CSMD1: variants seen among roughly 807,000 people sequenced by gnomAD.
CSMD1 encodes CUB and sushi domain-containing protein 1.
A neutral mutation model predicts 417.5 loss-of-function variants in CSMD1; 213 were observed. The ratio of observed to expected loss-of-function variants is 0.51; its 90% CI spans 0.46 to 0.57. The LOEUF (loss-of-function observed/expected upper bound fraction) is 0.57, where lower values mean the gene tolerates loss of function less well. CSMD1 is among the 20% of genes least tolerant of loss of function. CSMD1 has a pLI of 0.00. For synonymous variants in CSMD1, 2,862 were observed against 1,736.8 expected, an observed-to-expected ratio of 1.65 and a Z score of -16.11; for missense variants, 6,923 against 4,529.7, an observed-to-expected ratio of 1.53 and a Z score of -15.17.
intron 5 of CSMD1, among the ~76,000 whole-genome samples, chr8:3,820,917 C>A (rs767459834): frequency 1.3e-5 from 2 of 151,736 alleles, no homozygotes; most frequent in African/African-American, 2.4e-5. Flanking sequence ...GGTGTTCTAT[C>A]TTTTTTTTAA....
chr8:4,645,102 C>G (rs1803438899), intron 1 of CSMD1, among the ~76,000 whole-genome samples: 1 of 152,158 alleles, frequency 6.6e-6, no homozygotes, highest in Admixed American at 6.5e-5. Flanking sequence ...TGTTCAGCAG[C>G]CTGATTGTCG....
intron 5 of CSMD1, among the ~76,000 whole-genome samples, chr8:3,982,763 G>C (rs1026527089): frequency 1.3e-5 from 2 of 152,266 alleles, no homozygotes; most frequent in African/African-American, 2.4e-5. Context: ...GCTGCCCACA[G>C]ATAATGGACA....
At chr8:3,474,021 C>A (rs528217643) in intron 11 of CSMD1, among the ~76,000 whole-genome samples, 5 of 152,014 alleles carry the variant, frequency 3.3e-5, no homozygotes, top group African/African-American at 4.8e-5. Flanking sequence ...ATGGGGGAAA[C>A]TGCCCCCATG....
At position 3,024,305 on chromosome 8, in the gene CSMD1, A is replaced by C. The variant is rs113655487; in HGVS notation, c.7855+5014T>G. On this transcript the variant is annotated intron_variant, in intron 51 of 69. Transcript: ENST00000635120. Reference sequence around the variant, plus strand: ...ATTTTGAGGTTTTTTTTGGGGGGGGAGGGCAGTGGGGGAGGTTGGGGACAG... The same window carrying C: ...ATTTTGAGGTTTTTTTTGGGGGGGGCGGGCAGTGGGGGAGGTTGGGGACAG... Among the ~76,000 whole-genome samples, 57 of 77,454 alleles carry C rather than the reference A, an allele frequency of 7.4e-4. 1 individual carries two copies. Among genetic ancestry groups the C allele is most frequent in the African/African-American group, 2.4e-3 (53 of 21,702 alleles). 50.8% of individuals were successfully genotyped at this position (77,454 alleles called of 152,430 possible). A position where few individuals can be genotyped will look rare whatever the true frequency, so the allele number is the denominator to read the frequency against.
intron 26 of CSMD1, among the ~76,000 whole-genome samples, chr8:3,238,467 C>T (rs1439613314): frequency 2.6e-5 from 4 of 151,562 alleles, no homozygotes; most frequent in Non-Finnish European, 5.9e-5. Flanking sequence ...GCTGGGACGG[C>T]AAAAATTTTT....
intron 5 of CSMD1, among the ~76,000 whole-genome samples, chr8:3,938,217 C>T (rs1290857842): frequency 1.3e-5 from 2 of 152,036 alleles, no homozygotes; most frequent in Non-Finnish European, 1.5e-5. Context: ...CATCCAGTCA[C>T]TGATGAAGCC....
intron 10 of CSMD1, among the ~76,000 whole-genome samples, chr8:3,511,635 G>C (rs902728037): frequency 2.0e-5 from 3 of 150,904 alleles, no homozygotes; most frequent in Non-Finnish European, 2.9e-5. Flanking sequence ...GCAGATGTCT[G>C]TGATCCCAGC....
chr8:3,329,795 T>G (rs1252274837), intron 23 of CSMD1, among the ~76,000 whole-genome samples: 5 of 152,210 alleles, frequency 3.3e-5, no homozygotes, highest in Admixed American at 3.3e-4. Flanking sequence ...GAGCCTTTTC[T>G]GCCTTCTCTC....
At chr8:4,024,371 G>A (rs973321631) in intron 4 of CSMD1, among the ~76,000 whole-genome samples, 21 of 152,162 alleles carry the variant, frequency 1.4e-4, no homozygotes, top group African/African-American at 5.1e-4. Flanking sequence ...TGGCATAAGA[G>A]TATGGATACG....
chr8:3,185,629 T>A (rs2129049261), intron 36 of CSMD1, among the ~76,000 whole-genome samples: 1 of 152,354 alleles, frequency 6.6e-6, no homozygotes, highest in Admixed American at 6.5e-5. Flanking sequence ...TGATAGTTAC[T>A]CGAGGGAAGG....
At chr8:4,192,975 T>G (rs1018521203) in intron 3 of CSMD1, among the ~76,000 whole-genome samples, 9 of 152,228 alleles carry the variant, frequency 5.9e-5, no homozygotes, top group Non-Finnish European at 1.0e-4. Context: ...AATATTTGAG[T>G]GTTTTGCAAA....
Position 3,784,759 on chromosome 8 carries a change from A to T in CSMD1, c.819-30717T>A, listed in dbSNP as rs548600123. 2.6e-5 allele frequency among the ~76,000 whole-genome samples: 4 copies of T among 152,356 alleles called. No homozygotes were observed. In the East Asian group the frequency reaches 7.7e-4, roughly 29 times the overall value. Reference sequence around the variant, plus strand: ...CACCAATGCATGACTAAGTAAAATAAGATACAATTAGCAATTCCACTCATA... The same window carrying T: ...CACCAATGCATGACTAAGTAAAATATGATACAATTAGCAATTCCACTCATA... On this transcript the variant is annotated intron_variant, in intron 5 of 69. Transcript: ENST00000635120.
At chr8:3,514,781 T>A (rs1436024081) in intron 10 of CSMD1, among the ~76,000 whole-genome samples, 1 of 152,138 alleles carries the variant, frequency 6.6e-6, no homozygotes, top group African/African-American at 2.4e-5. Flanking sequence ...ACATGATCCT[T>A]TAGTGATTAA....
intron 37 of CSMD1, among the ~76,000 whole-genome samples, chr8:3,179,155 C>G (rs576975121): frequency 2.0e-4 from 30 of 151,414 alleles, no homozygotes; most frequent in East Asian, 9.8e-4. Flanking sequence ...ACGTGTTAGC[C>G]AGGACTGTCT....
At chr8:4,842,107 TA>T (rs1416454421) in intron 1 of CSMD1, among the ~76,000 whole-genome samples, 5 of 152,070 alleles carry the variant, frequency 3.3e-5, no homozygotes, top group Admixed American at 2.6e-4. Context: ...ATGAGAGATG[TA>T]AAAAGGTGCA....
At chr8:3,330,571 G>T (rs1456591069) in intron 23 of CSMD1, among the ~76,000 whole-genome samples, 2 of 152,140 alleles carry the variant, frequency 1.3e-5, no homozygotes, top group African/African-American at 4.8e-5. Flanking sequence ...CAAAGAAGGG[G>T]ATGACAGACC....
intron 3 of CSMD1, among the ~76,000 whole-genome samples, chr8:4,349,309 A>C (rs1174206726): frequency 6.6e-6 from 1 of 152,136 alleles, no homozygotes; most frequent in African/African-American, 2.4e-5. Context: ...ATTTTTCTAC[A>C]CTCTAAGACC....
In CSMD1 at chr8:4,279,232, G is replaced by T. The variant is rs557477316; in HGVS notation, c.415+140721C>A. On this transcript the variant is annotated intron_variant, in intron 3 of 69. Coordinates refer to ENST00000635120, the MANE Select transcript of CSMD1 (RefSeq NM_033225.6). The stretch of plus-strand genomic sequence containing the variant: ...AACACACACACACAATTAAGCAGTC[G>T]ATGGCACAAGTGTGCAAGCCACATT... 7.2e-5 allele frequency among the ~76,000 whole-genome samples: 11 copies of T among 152,078 alleles called. No homozygotes were observed. The East Asian group carries it at 2.1e-3, about 29-fold the overall frequency.
chr8:4,970,468 T>A (rs1217071494), intron 1 of CSMD1, among the ~76,000 whole-genome samples: 3 of 152,152 alleles, frequency 2.0e-5, no homozygotes, highest in Non-Finnish European at 4.4e-5. Flanking sequence ...CATCGGTCAT[T>A]TATGAGCTCC....
Sources: allele counts gnomAD v4.1 joint callset (sites outside exome capture counted in the v4.1 genomes callset), GRCh38; gene constraint gnomAD v4.1.1; transcripts MANE v1.5; gene names NCBI Gene and HGNC (gene_info 2026-07-23, HGNC 2026-07-21).